CARMIL1: variants seen among roughly 807,000 people sequenced by gnomAD.
CARMIL1 encodes the protein F-actin-uncapping protein LRRC16A.
In CARMIL1, 90 loss-of-function variants were observed where a neutral mutation model predicts 177.1. The observed-to-expected ratio is 0.51, with a 90% confidence interval of 0.43 to 0.61. CARMIL1 has a LOEUF of 0.61. CARMIL1 is among the 20% of genes least tolerant of loss of function. The pLI is 0.00. For missense variants in CARMIL1, 1,380 were observed against 1,667.0 expected (o/e 0.83, Z 3.00); for synonymous variants, 577 against 606.2 (o/e 0.95, Z 0.71).
At chr6:25,420,335 T>C in intron 3 of CARMIL1, 171 bp downstream of exon 3, 2 of 657,850 alleles carry the variant, frequency 3.0e-6, no homozygotes, top group Non-Finnish European at 5.3e-6. Flanking sequence ...TTCAGATTTC[T>C]CTTAGCACAT....
At chr6:25,575,196 T>C (rs1451827609) in intron 29 of CARMIL1, among the ~76,000 whole-genome samples, 1 of 152,230 alleles carries the variant, frequency 6.6e-6, no homozygotes, top group African/African-American at 2.4e-5. Context: ...CCCTTGCCCT[T>C]GTCCTAATGG....
At chr6:25,586,592 A>G (rs9348686) in intron 31 of CARMIL1, among the ~76,000 whole-genome samples, 67,835 of 150,430 alleles carry the variant, frequency 0.45, 15,455 homozygotes, top group East Asian at 0.58. Context: ...ACTTTGGGAG[A>G]CCAAGGCAGG....
rs142664740 is a variant in CARMIL1, at chr6:25,574,807, T to G, written c.2743-6117T>G. 4.0e-3 allele frequency among the ~76,000 whole-genome samples: 613 copies of G among 152,336 alleles called. 4 individuals are homozygous for G. Among genetic ancestry groups the G allele is most frequent in the African/African-American group, 0.014 (593 of 41,586 alleles). ...CCTTTTAATTGATGTTCCTTTAATT[T>G]TAGTTATTCCTCTACTGATTGGCTT... is the stretch of plus-strand genomic sequence containing the variant. On this transcript the variant is annotated intron_variant, in intron 29 of 36. Coordinates refer to ENST00000329474, the MANE Select transcript of CARMIL1 (RefSeq NM_017640.6).
intron 2 of CARMIL1, among the ~76,000 whole-genome samples, chr6:25,293,461 C>T (rs1331320658): frequency 6.6e-6 from 1 of 152,004 alleles, no homozygotes; most frequent in Non-Finnish European, 1.5e-5. Flanking sequence ...ACACAGCTCA[C>T]CGCAGCCTCG....
chr6:25,298,831 C>T (rs1037184992), intron 2 of CARMIL1, among the ~76,000 whole-genome samples: 2 of 151,440 alleles, frequency 1.3e-5, no homozygotes, highest in Middle Eastern at 3.4e-3. Flanking sequence ...CTCGGCTCAC[C>T]GCAACCTCCG....
intron 31 of CARMIL1, among the ~76,000 whole-genome samples, chr6:25,591,683 T>G (rs1315630863): frequency 6.6e-6 from 1 of 152,242 alleles, no homozygotes; most frequent in African/African-American, 2.4e-5. Context: ...TTTCTACTGC[T>G]CTTCACGTAG....
intron 2 of CARMIL1, among the ~76,000 whole-genome samples, chr6:25,411,095 A>G (rs1024078043): frequency 1.3e-5 from 2 of 152,182 alleles, no homozygotes; most frequent in Non-Finnish European, 2.9e-5. Flanking sequence ...TTTTTTCTGT[A>G]TTCCCTGAAT....
At chr6:25,295,627 T>G (rs1478394318) in intron 2 of CARMIL1, among the ~76,000 whole-genome samples, 1 of 152,254 alleles carries the variant, frequency 6.6e-6, no homozygotes, top group Non-Finnish European at 1.5e-5. Flanking sequence ...TTCTCTTTGC[T>G]TGGATCCGTG....
At chr6:25,288,077 G>A (rs183085700) in intron 2 of CARMIL1, among the ~76,000 whole-genome samples, 48 of 152,286 alleles carry the variant, frequency 3.2e-4, no homozygotes, top group African/African-American at 1.1e-3. Context: ...TCAGGAGCAC[G>A]GAGAGGAACT....
intron 2 of CARMIL1, among the ~76,000 whole-genome samples, chr6:25,319,578 C>G (rs147200636): frequency 3.3e-4 from 50 of 152,132 alleles, no homozygotes; most frequent in Non-Finnish European, 5.9e-4. Context: ...TTTAGTCTAA[C>G]TGCCCTAATC....
chr6:25,293,510 C>G (rs986221447), intron 2 of CARMIL1, among the ~76,000 whole-genome samples: 1 of 151,858 alleles, frequency 6.6e-6, no homozygotes, highest in Non-Finnish European at 1.5e-5. Flanking sequence ...GTCAGCCTCT[C>G]GGGAGCTGGG....
intron 2 of CARMIL1, among the ~76,000 whole-genome samples, chr6:25,362,251 A>G (rs1030217173): frequency 6.6e-6 from 1 of 151,928 alleles, no homozygotes; most frequent in African/African-American, 2.4e-5. Flanking sequence ...TTTCCTCACT[A>G]AGTGAGAGAT....
intron 2 of CARMIL1, among the ~76,000 whole-genome samples, chr6:25,377,156 T>C (rs1446309319): frequency 1.3e-5 from 2 of 152,236 alleles, no homozygotes; most frequent in Non-Finnish European, 2.9e-5. Context: ...GCATCCATGC[T>C]GAGCTCCCAT....
chr6:25,600,496 G>A lies in CARMIL1; in HGVS notation c.3302G>A (p.Ser1101Asn), dbSNP rs1414542982. The A allele has an allele frequency of 1.2e-5, 19 of 1,613,952 alleles. No individual in the cohort carries two copies. Among genetic ancestry groups the A allele is most frequent in the Non-Finnish European group, 1.4e-5 (17 of 1,179,910 alleles). ...TCCTCACCAAAAGGGGCAGTCAGAA[G>A]TCCACCTGTGGACTGTCCCAGGAAG... ...EPSSPKGAVR[S>N]PPVDCPRKDT... Residue 1101 changes from serine (S) to asparagine (N), a missense_variant, in exon 33 of 37, where the codon AGT becomes AAT. Transcript: ENST00000329474.
At position 25,370,324 on chromosome 6, in the gene CARMIL1, G is replaced by T. The variant is rs184999171; in HGVS notation, c.139-49790G>T. 4.9e-3 allele frequency among the ~76,000 whole-genome samples: 745 copies of T among 152,284 alleles called. 6 individuals are homozygous for T. The highest frequency in any genetic ancestry group is 0.017 in the African/African-American group (703 of 41,568). On this transcript the variant is annotated intron_variant, in intron 2 of 36. Coordinates refer to ENST00000329474, the MANE Select transcript of CARMIL1 (RefSeq NM_017640.6). ...CAAGACCTTCATCTTTATGGGGGTA[G>T]GCGGGGGAAGGTGCTCCTTTTGACC... is the stretch of plus-strand genomic sequence containing the variant.
intron 36 of CARMIL1, among the ~76,000 whole-genome samples, chr6:25,611,972 T>C (rs574538818): frequency 8.4e-4 from 128 of 152,324 alleles, no homozygotes; most frequent in African/African-American, 2.8e-3. Flanking sequence ...GGGGTATATG[T>C]TTGATTCCCT....
chr6:25,380,697 G>C (rs1421260689), intron 2 of CARMIL1, among the ~76,000 whole-genome samples: 1 of 152,102 alleles, frequency 6.6e-6, no homozygotes, highest in Non-Finnish European at 1.5e-5. Flanking sequence ...CTAAGGACTT[G>C]GTTCACAACA....
chr6:25,473,071 C>T (rs1229951704), intron 11 of CARMIL1, among the ~76,000 whole-genome samples: 1 of 152,186 alleles, frequency 6.6e-6, no homozygotes, highest in Admixed American at 6.5e-5. Flanking sequence ...AGGCTGTGCT[C>T]CTAGAATGGT....
chr6:25,564,010 A>G (rs1811351466), intron 29 of CARMIL1: 1 of 292,638 alleles, frequency 3.4e-6, no homozygotes, highest in African/African-American at 2.3e-5. Flanking sequence ...TATCATATTA[A>G]GTATCATAAG....
Sources: allele counts gnomAD v4.1 joint callset (sites outside exome capture counted in the v4.1 genomes callset), GRCh38; gene constraint gnomAD v4.1.1; transcripts MANE v1.5; gene names NCBI Gene and HGNC (gene_info 2026-07-23, HGNC 2026-07-21).